The following NACC2 variants were observed in gnomAD, a reference collection of about 807,000 sequenced individuals.
The protein encoded by NACC2 is NACC family member 2.
NACC2 carries 8 observed loss-of-function variants against 25.1 expected under a neutral mutation model. The ratio of observed to expected loss-of-function variants is 0.32; its 90% CI spans 0.19 to 0.57. The LOEUF is 0.57. Among genes scored for constraint, NACC2 ranks in the 20% least tolerant of loss-of-function variants. The pLI is 0.89. For missense variants in NACC2, 644 were observed against 650.2 expected (o/e 0.99, Z 0.10); for synonymous variants, 435 against 294.7 (o/e 1.48, Z -4.88).
chr9:136,085,154 T>TTTTC (rs1830365480), intron 1 of NACC2, among the ~76,000 whole-genome samples: 1 of 129,334 alleles, frequency 7.7e-6, no homozygotes, highest in Non-Finnish European at 1.7e-5. Context: ...TTTTTTTTTT[T>TTTTC]TTTTTTTTTG....
intron 1 of NACC2, among the ~76,000 whole-genome samples, chr9:136,075,418 C>T (rs868850671): frequency 6.6e-6 from 1 of 152,240 alleles, no homozygotes; most frequent in East Asian, 1.9e-4. Flanking sequence ...GCTTGGAACT[C>T]GGAGGCGAAT....
intron 2 of NACC2, among the ~76,000 whole-genome samples, chr9:136,037,606 C>T (rs1187541868): frequency 1.3e-5 from 2 of 151,394 alleles, no homozygotes; most frequent in African/African-American, 4.9e-5. Context: ...CTCCTAGGTT[C>T]AAGCGATTCT....
At position 136,076,037 on chromosome 9, in the gene NACC2, G is replaced by A. The variant is rs141729475; in HGVS notation, c.-60+19152C>T. ...CTGCATGAAGGTTACGTGTGGTCAC[G>A]AAGAGATCCTGCAAAGAACAGTCAT... On this transcript the variant is annotated intron_variant, in intron 1 of 5. Coordinates refer to ENST00000277554, the MANE Select transcript of NACC2 (RefSeq NM_144653.5). Among the ~76,000 whole-genome samples the A allele has an allele frequency of 1.8e-3, 267 of 152,274 alleles. 2 individuals carry two copies. Among genetic ancestry groups the A allele is most frequent in the Non-Finnish European group, 3.5e-3 (235 of 68,024 alleles).
At chr9:136,072,632 A>G (rs1231145537) in intron 1 of NACC2, among the ~76,000 whole-genome samples, 4 of 152,206 alleles carry the variant, frequency 2.6e-5, no homozygotes, top group African/African-American at 9.6e-5. Flanking sequence ...CGGGCGGATC[A>G]CCTGAGGTCA....
At chr9:136,062,751 C>T (rs1841029991) in intron 1 of NACC2, among the ~76,000 whole-genome samples, 1 of 152,046 alleles carries the variant, frequency 6.6e-6, no homozygotes, top group African/African-American at 2.4e-5. Context: ...CCCATCTCTA[C>T]AAAAAAATAC....
rs1200775958 is a variant in NACC2, at chr9:136,020,467, C to T, written c.887-4038G>A. Among the ~76,000 whole-genome samples, 1 of 152,216 alleles carries T rather than the reference C, an allele frequency of 6.6e-6. No individual in the cohort carries two copies. Among genetic ancestry groups the T allele is most frequent in the Admixed American group, 6.5e-5 (1 of 15,280 alleles). Reference sequence around the variant, plus strand: ...ATCAGAGACCACGCAGGCAGCCCCACCAGGGGAGTCTGTGCGGATGTGGGC... The same window carrying T: ...ATCAGAGACCACGCAGGCAGCCCCATCAGGGGAGTCTGTGCGGATGTGGGC... On this transcript the variant is annotated intron_variant, in intron 2 of 5. Transcript: ENST00000277554. The surrounding 1 kb of genome is among the most constrained non-coding windows in gnomAD (Gnocchi z 4.7).
intron 1 of NACC2, among the ~76,000 whole-genome samples, chr9:136,056,148 C>T (rs901236054): frequency 1.3e-5 from 2 of 152,154 alleles, no homozygotes. Context: ...AGAGGCTGCC[C>T]AGCTCCGGAT....
At chr9:136,054,102 G>A (rs999727682) in intron 1 of NACC2, among the ~76,000 whole-genome samples, 17 of 152,342 alleles carry the variant, frequency 1.1e-4, no homozygotes, top group African/African-American at 3.4e-4. Context: ...TGAAGCCGGC[G>A]GCTGAAGCCT....
intron 2 of NACC2, among the ~76,000 whole-genome samples, chr9:136,035,724 AAAG>A (rs1241696334): frequency 2.6e-5 from 4 of 151,998 alleles, no homozygotes; most frequent in Admixed American, 1.3e-4. Flanking sequence ...AAAAAAAAAA[AAAG>A]TTCAGCCTTT....
intron 1 of NACC2, among the ~76,000 whole-genome samples, chr9:136,091,338 C>T (rs1830432300): frequency 6.6e-6 from 1 of 152,246 alleles, no homozygotes; most frequent in South Asian, 2.1e-4. Flanking sequence ...GGGTTCCTCA[C>T]TCAAGGTCAC....
chr9:136,048,360 C>T (rs2131160725), intron 2 of NACC2, among the ~76,000 whole-genome samples: 1 of 152,356 alleles, frequency 6.6e-6, no homozygotes, highest in East Asian at 1.9e-4. Flanking sequence ...GCACTGACAT[C>T]CTGTACGGCC....
chr9:136,061,333 C>T (rs1018749672), intron 1 of NACC2, among the ~76,000 whole-genome samples: 1 of 152,054 alleles, frequency 6.6e-6, no homozygotes, highest in African/African-American at 2.4e-5. Flanking sequence ...GCGGCAGCTC[C>T]GTTTCCCGGG....
chr9:136,056,937 G>A (rs1156560178), intron 1 of NACC2, among the ~76,000 whole-genome samples: 2 of 152,220 alleles, frequency 1.3e-5, no homozygotes, highest in East Asian at 1.9e-4. Flanking sequence ...CCTTCCTCTC[G>A]GCCACCCGTG....
chr9:136,014,854 C>A (rs549606150), intron 3 of NACC2, among the ~76,000 whole-genome samples: 1 of 152,308 alleles, frequency 6.6e-6, no homozygotes, highest in East Asian at 1.9e-4. Context: ...CTTGACCACA[C>A]CCCAGGTGTC....
At chr9:136,079,778 G>A (rs1051764244) in intron 1 of NACC2, among the ~76,000 whole-genome samples, 5 of 152,308 alleles carry the variant, frequency 3.3e-5, no homozygotes, top group African/African-American at 1.2e-4. Flanking sequence ...GGAAAGTTAC[G>A]AAATCTTGAA....
intron 1 of NACC2, among the ~76,000 whole-genome samples, chr9:136,080,273 G>A (rs1830307211): frequency 1.3e-5 from 2 of 152,176 alleles, no homozygotes; most frequent in Admixed American, 1.3e-4. Flanking sequence ...CCATCTCTGT[G>A]CTCTCCTTCT....
intron 2 of NACC2, among the ~76,000 whole-genome samples, chr9:136,031,660 GA>G (rs1283926102): frequency 3.9e-5 from 6 of 152,014 alleles, no homozygotes. Context: ...TTAAGACAAA[GA>G]AAAAAGAACA....
chr9:136,063,982 G>A (rs1001766916), intron 1 of NACC2, among the ~76,000 whole-genome samples: 2 of 151,880 alleles, frequency 1.3e-5, no homozygotes, highest in Non-Finnish European at 2.9e-5. Context: ...CACTGTTAGA[G>A]CCCCCAGAAT....
chr9:136,067,105 T>C (rs957786222), intron 1 of NACC2, among the ~76,000 whole-genome samples: 1 of 151,840 alleles, frequency 6.6e-6, no homozygotes, highest in Non-Finnish European at 1.5e-5. Flanking sequence ...AAATACAAAA[T>C]TAGCCAGGCG....
Sources: allele counts gnomAD v4.1 joint callset (sites outside exome capture counted in the v4.1 genomes callset), GRCh38; gene constraint gnomAD v4.1.1; non-coding constraint Gnocchi (gnomAD v3.1); transcripts MANE v1.5; gene names NCBI Gene and HGNC (gene_info 2026-07-23, HGNC 2026-07-21).